The following RIF1 variants were observed in gnomAD, a reference collection of about 807,000 sequenced individuals.
RIF1 encodes replication timing regulatory factor 1.
RIF1 carries 45 observed loss-of-function variants against 247.1 expected under a neutral mutation model. That is an observed-to-expected ratio of 0.18 (90% CI 0.14 to 0.23). RIF1 has a LOEUF of 0.23. RIF1 is among the 10% of genes least tolerant of loss of function. The pLI is 1.00. For synonymous variants in RIF1, 1,087 were observed against 978.8 expected (o/e 1.11, Z -2.06); for missense variants, 2,967 against 2,862.5 (o/e 1.04, Z -0.83).
At chr2:151,452,806 T>C (rs1265917429) in intron 21 of RIF1, among the ~76,000 whole-genome samples, 1 of 152,252 alleles carries the variant, frequency 6.6e-6, no homozygotes, top group Admixed American at 6.5e-5. Flanking sequence ...CAGTCTCATT[T>C]TGACATAATT....
rs574859335 is a variant in RIF1, at chr2:151,468,664, C to T, written c.6849C>T (p.Ser2283=). The T allele has an allele frequency of 6.2e-7, 1 of 1,613,964 alleles. No homozygotes were observed. The highest frequency in any genetic ancestry group is 1.3e-5 in the African/African-American group (1 of 75,036). Residue 2283 remains serine, a synonymous_variant, in exon 33 of 36, where the codon TCC becomes TCT. Transcript: ENST00000444746. ...KCLISEMAKE[S]IPCPTESVYP... is the part of the protein sequence containing the mutation. Reference sequence around the variant, plus strand: ...AGATTTCAGAAATGGCCAAAGAATCCATACCATGCCCAACAGAAAGTGTTT... The same window carrying T: ...AGATTTCAGAAATGGCCAAAGAATCTATACCATGCCCAACAGAAAGTGTTT...
chr2:151,451,657 T>G lies in RIF1; in HGVS notation c.2296T>G (p.Cys766Gly), dbSNP rs1357491475. The change falls in exon 21 of 36, where the codon TGC becomes GGC. Residue 766 changes from cysteine (C) to glycine (G), a missense_variant. Transcript: ENST00000444746. ...TTATATTATTACTGTAATGGTTGAT[T>G]GCATTGACTTCTCACCATATAATAT... is the stretch of plus-strand genomic sequence containing the variant. ...IIYIITVMVD[C>G]IDFSPYNIKY... 6.8e-7 allele frequency: 1 copy of G among 1,481,226 alleles called. No homozygotes were observed. The highest frequency in any genetic ancestry group is 1.7e-5 in the Admixed American group (1 of 59,676). 91.8% of individuals were successfully genotyped at this position (1,481,226 alleles called of 1,614,324 possible). A position where few individuals can be genotyped will look rare whatever the true frequency, so the allele number is the denominator to read the frequency against.
intron 20 of RIF1, among the ~76,000 whole-genome samples, chr2:151,446,887 T>C (rs1252448562): frequency 6.6e-6 from 1 of 152,110 alleles, no homozygotes; most frequent in East Asian, 1.9e-4. Context: ...GTTAGATCTT[T>C]AAATTCAATC....
At chr2:151,527,446 T>C in the RIF1 span, 1 of 1,405,428 alleles carries the variant, frequency 7.1e-7, no homozygotes, top group Non-Finnish European at 1.0e-6. Context: ...AGGTGCAGTA[T>C]GCAGTTACAA....
rs1333697047 is a variant in RIF1 at position 151,482,065 on chromosome 2, T to C, written c.*6994T>C. 6.6e-6 allele frequency: 1 copy of C among 152,236 alleles called. No individual in the cohort carries two copies. Among genetic ancestry groups the C allele is most frequent in the Non-Finnish European group, 1.5e-5 (1 of 68,048 alleles). The allele number at this position is 152,236 out of a possible 1,614,324, so 9.4% of individuals were successfully genotyped here. On this transcript the variant is annotated 3_prime_UTR_variant, in exon 36 of 36. Coordinates refer to ENST00000444746, the MANE Select transcript of RIF1 (RefSeq NM_018151.5). ...TATGTTTGATTCACAGTAAAACTTTTCATGAATCATTGAGGGTTAACTGTT... is the reference window on the plus strand; with the variant it reads ...TATGTTTGATTCACAGTAAAACTTTCCATGAATCATTGAGGGTTAACTGTT...
exon 14 of RIF1, chr2:151,507,934 A>C: frequency 1.9e-6 from 2 of 1,077,570 alleles, no homozygotes; most frequent in South Asian, 2.7e-5. Context: ...CAAGCCTGGG[A>C]TATCCAGAGG....
rs574356455 is a variant in RIF1, at chr2:151,445,536, GTTTTTC to G, written c.2094+105_2094+110del. 643 of 762,172 alleles carry G rather than the reference GTTTTTC, an allele frequency of 8.4e-4. 1 individual carries two copies. In the African/African-American group the frequency reaches 9.8e-3, roughly 12 times the overall value. The allele number at this position is 762,172 out of a possible 1,614,324, so 47.2% of individuals were successfully genotyped here. ...TTATAATCAGCTTCCACAATGATTT[GTTTTTC>G]TTTTTCTTTTTCTCTTTTTTTTTTG... is the stretch of plus-strand genomic sequence containing the variant. On this transcript the variant is annotated intron_variant, in intron 19 of 35. Transcript: ENST00000444746.
intron 27 of RIF1, among the ~76,000 whole-genome samples, chr2:151,461,557 A>G (rs1240819463): frequency 6.6e-6 from 1 of 151,882 alleles, no homozygotes. Context: ...ACGCCCGGCT[A>G]ATTTTTTTGT....
At chr2:151,458,748 A>C in intron 24 of RIF1, 63 bp from the exon 25 acceptor site, 1 of 824,188 alleles carries the variant, frequency 1.2e-6, no homozygotes, top group Non-Finnish European at 1.9e-6. Flanking sequence ...TGTTGTTAAC[A>C]GATCATCAGT....
intron 8 of RIF1, among the ~76,000 whole-genome samples, chr2:151,428,088 G>A (rs1288594018): frequency 6.6e-6 from 1 of 151,964 alleles, no homozygotes; most frequent in East Asian, 1.9e-4. Context: ...AATTAGCTGG[G>A]CGTGGTAGTA....
intron 11 of RIF1, among the ~76,000 whole-genome samples, chr2:151,500,564 A>G (rs1007836213): frequency 6.6e-6 from 1 of 151,082 alleles, no homozygotes; most frequent in East Asian, 1.9e-4. Flanking sequence ...CTTGTTTTGA[A>G]TAAGTATCAA....
chr2:151,512,123 C>T (rs892343800), downstream of RIF1, among the ~76,000 whole-genome samples: 10 of 150,184 alleles, frequency 6.7e-5, no homozygotes, highest in East Asian at 2.0e-4. Context: ...CTCTGCCTCC[C>T]GGGTTCACGC....
Position 151,477,050 on chromosome 2 carries a change from TATTA to T in RIF1, c.*1983_*1986del, listed in dbSNP as rs1430156460. On this transcript the variant is annotated 3_prime_UTR_variant, in exon 36 of 36. Coordinates refer to ENST00000444746, the MANE Select transcript of RIF1 (RefSeq NM_018151.5). ...TCACTGAATTTTATATAAGCACAAG[TATTA>T]ATTTTAAAAACATTATAGTTTAATA... The T allele has an allele frequency of 1.3e-5, 2 of 152,348 alleles. No homozygotes were observed. The highest frequency in any genetic ancestry group is 6.5e-5 in the Admixed American group (1 of 15,304). 9.4% of individuals were successfully genotyped at this position (152,348 alleles called of 1,614,324 possible).
the RIF1 span, among the ~76,000 whole-genome samples, chr2:151,520,589 G>T: frequency 2.0e-5 from 3 of 152,182 alleles, no homozygotes; most frequent in Non-Finnish European, 2.9e-5. Context: ...TGATAGCCAG[G>T]TGTGGTGGCT....
intron 13 of RIF1, 83 bp downstream of exon 13, chr2:151,437,434 T>C (rs1691442098): frequency 4.8e-6 from 5 of 1,050,952 alleles, no homozygotes; most frequent in Non-Finnish European, 7.3e-6. Context: ...CTCACACCTG[T>C]AATCCCAGCA....
At position 151,490,067 on chromosome 2, in the gene RIF1, A is replaced by G. The variant is rs966105402; in HGVS notation, c.*416-5162A>G. 1 of 1,609,120 alleles carries G rather than the reference A, an allele frequency of 6.2e-7. No individual in the cohort carries two copies. The highest frequency in any genetic ancestry group is 1.7e-5 in the Admixed American group (1 of 59,236). On this transcript the variant is annotated intron_variant and NMD_transcript_variant, in intron 9 of 13. Coordinates refer to the RIF1 transcript ENST00000454583. ...GTTGTGGGAGCTCTGTGGTTTTTGCATGTTTGTAAGCTGAAAAAAAGGGGG... is the reference window on the plus strand; with the variant it reads ...GTTGTGGGAGCTCTGTGGTTTTTGCGTGTTTGTAAGCTGAAAAAAAGGGGG...
intron 7 of RIF1, among the ~76,000 whole-genome samples, chr2:151,422,032 A>T (rs1470724170): frequency 2.6e-5 from 4 of 151,912 alleles, no homozygotes; most frequent in Admixed American, 6.6e-5. Flanking sequence ...GGGTTTCACC[A>T]TATTGGCCAG....
intron 3 of RIF1, among the ~76,000 whole-genome samples, chr2:151,412,289 C>CT (rs1230045047): frequency 1.0e-4 from 14 of 136,198 alleles, no homozygotes; most frequent in East Asian, 6.9e-4. Context: ...TGACCTTGTT[C>CT]TCTTTTTTTA....
At chr2:151,527,028 A>T in the RIF1 span, 14 of 1,574,786 alleles carry the variant, frequency 8.9e-6, no homozygotes, top group Admixed American at 1.8e-4. Flanking sequence ...TCAAACTGTG[A>T]TAGAAGAAAG....
Sources: allele counts gnomAD v4.1 joint callset (sites outside exome capture counted in the v4.1 genomes callset), GRCh38; gene constraint gnomAD v4.1.1; transcripts MANE v1.5; gene names NCBI Gene and HGNC (gene_info 2026-07-23, HGNC 2026-07-21).